NPFFR2: variants seen among roughly 807,000 people sequenced by gnomAD.
NPFFR2 encodes neuropeptide FF receptor 2.
Under a neutral mutation model 13.1 loss-of-function variants are expected in NPFFR2, and 15 were observed. The ratio of observed to expected loss-of-function variants is 1.15; its 90% confidence interval spans 0.77 to 1.76. NPFFR2 has a LOEUF of 1.76. NPFFR2 is among the 40% of genes most tolerant of loss of function. The pLI is 0.00. For synonymous variants in NPFFR2, 190 were observed against 175.7 expected (o/e 1.08, Z -0.65); for missense variants, 572 against 503.5 (o/e 1.14, Z -1.30).
intron 1 of NPFFR2, among the ~76,000 whole-genome samples, chr4:72,127,679 C>G (rs1722102976): frequency 6.6e-6 from 1 of 150,900 alleles, no homozygotes; most frequent in Admixed American, 6.6e-5. Context: ...TTTCTTGATA[C>G]ATTGTGTAAG....
chr4:72,110,392 C>T (rs1222796246), intron 1 of NPFFR2, among the ~76,000 whole-genome samples: 1 of 151,928 alleles, frequency 6.6e-6, no homozygotes, highest in Non-Finnish European at 1.5e-5. Context: ...TCTTTATTAG[C>T]AGTGTGAGAA....
rs553916059 is a variant in NPFFR2 at position 72,068,430 on chromosome 4, C to A, written c.-8+36230C>A. Among the ~76,000 whole-genome samples, 12 of 152,290 alleles carry A rather than the reference C, an allele frequency of 7.9e-5. 1 individual carries two copies. The East Asian group carries it at 2.3e-3, about 29-fold the overall frequency. On this transcript the variant is annotated intron_variant, in intron 1 of 3. Transcript: ENST00000308744. The stretch of plus-strand genomic sequence containing the variant: ...GTCCCATTTATTAGAAAAGAGCCCT[C>A]ATGCTCTAATCACTTCTTAAAGGCC...
At position 72,147,421 on chromosome 4, in the gene NPFFR2, G is replaced by A. The variant is rs1318980627; in HGVS notation, c.872G>A (p.Trp291Ter). The A allele has an allele frequency of 3.7e-6, 6 of 1,614,090 alleles. No homozygotes were observed. Among genetic ancestry groups the A allele is most frequent in the Admixed American group, 3.3e-5 (2 of 60,014 alleles). ...TTTATTCTCTCATGGCTGCCCCTGT[G>A]GACTCTAATGATGCTCTCAGACTAC... is the stretch of plus-strand genomic sequence containing the variant. ...LLFILSWLPL[W>*]TLMMLSDYAD... The change falls in exon 4 of 4, where the codon TGG becomes TAG. Residue 291 changes from tryptophan to a stop codon, truncating the protein, a stop_gained. Coordinates refer to ENST00000308744, the MANE Select transcript of NPFFR2 (RefSeq NM_004885.3). LOFTEE classifies it low-confidence loss of function (END_TRUNC).
chr4:72,116,657 G>A (rs550921621), intron 1 of NPFFR2, among the ~76,000 whole-genome samples: 7 of 152,190 alleles, frequency 4.6e-5, no homozygotes, highest in African/African-American at 1.4e-4. Context: ...AATTAAGAGG[G>A]AAACCTATAA....
chr4:72,140,038 T>C (rs917897481), intron 3 of NPFFR2, among the ~76,000 whole-genome samples: 1 of 152,218 alleles, frequency 6.6e-6, no homozygotes, highest in Non-Finnish European at 1.5e-5. Context: ...GGGAGTTCAC[T>C]CATGATTTGG....
At chr4:72,067,052 C>A (rs934297194) in intron 1 of NPFFR2, among the ~76,000 whole-genome samples, 2 of 151,280 alleles carry the variant, frequency 1.3e-5, no homozygotes, top group African/African-American at 4.9e-5. Context: ...GAGCAACAGT[C>A]CTCTCCCTGG....
chr4:72,056,575 A>T (rs188225690), intron 1 of NPFFR2, among the ~76,000 whole-genome samples: 90 of 152,162 alleles, frequency 5.9e-4, no homozygotes, highest in Admixed American at 2.2e-3. Flanking sequence ...TTTAAGAAAT[A>T]CATTTTTTAA....
chr4:72,096,532 C>T (rs1165803197), intron 1 of NPFFR2, among the ~76,000 whole-genome samples: 1 of 151,956 alleles, frequency 6.6e-6, no homozygotes, highest in East Asian at 1.9e-4. Context: ...TATATATATA[C>T]AATTTTGAGG....
chr4:72,094,393 G>T (rs13150552), intron 1 of NPFFR2, among the ~76,000 whole-genome samples: 50 of 152,264 alleles, frequency 3.3e-4, no homozygotes, highest in Middle Eastern at 3.4e-3. Flanking sequence ...AGGATCAGGC[G>T]GTGTGTGGGG....
chr4:72,113,382 A>G (rs948058675), intron 1 of NPFFR2, among the ~76,000 whole-genome samples: 1 of 152,042 alleles, frequency 6.6e-6, no homozygotes, highest in Non-Finnish European at 1.5e-5. Context: ...AAATTGTTCT[A>G]TCTTCCCCTC....
intron 1 of NPFFR2, among the ~76,000 whole-genome samples, chr4:72,092,849 T>G (rs1207745143): frequency 6.6e-6 from 1 of 152,184 alleles, no homozygotes; most frequent in Non-Finnish European, 1.5e-5. Flanking sequence ...ACATTAGTAT[T>G]GAAATGTGAG....
intron 2 of NPFFR2, among the ~76,000 whole-genome samples, chr4:72,134,760 C>T (rs776529018): frequency 6.6e-5 from 10 of 152,030 alleles, no homozygotes; most frequent in African/African-American, 9.7e-5. Flanking sequence ...TATAAATATA[C>T]GTGCAGGTAC....
chr4:72,042,045 A>C lies in NPFFR2; in HGVS notation c.-8+9845A>C, dbSNP rs538371581. Among the ~76,000 whole-genome samples, 3 of 152,104 alleles carry C rather than the reference A, an allele frequency of 2.0e-5. No homozygotes were observed. In the East Asian group the frequency reaches 5.8e-4, roughly 29 times the overall value. ...GTTGCAATTGCTTTTGAGGTTTATA[A>C]ATTCTTTGCCATGGCCAATAATATG... On this transcript the variant is annotated intron_variant, in intron 1 of 3. Transcript: ENST00000308744.
intron 1 of NPFFR2, among the ~76,000 whole-genome samples, chr4:72,033,533 C>T (rs2109749887): frequency 6.6e-6 from 1 of 152,048 alleles, no homozygotes; most frequent in East Asian, 1.9e-4. Flanking sequence ...TGTGTTTTTC[C>T]AAAATCCATA....
At chr4:72,053,045 A>G (rs1159204717) in intron 1 of NPFFR2, among the ~76,000 whole-genome samples, 6 of 151,756 alleles carry the variant, frequency 4.0e-5, no homozygotes, top group East Asian at 1.9e-4. Context: ...GTGCCTCCCT[A>G]AAATATATAA....
chr4:72,145,376 T>G lies in NPFFR2; in HGVS notation c.429-1602T>G, dbSNP rs1171350166. The stretch of plus-strand genomic sequence containing the variant: ...CTTTTATATTTGTTCATTATTACTT[T>G]TATTGTTAATAGTGTCTGCTATACT... On this transcript the variant is annotated intron_variant, in intron 3 of 3. Transcript: ENST00000308744. 2.6e-5 allele frequency among the ~76,000 whole-genome samples: 4 copies of G among 151,082 alleles called. No homozygotes were observed. In the East Asian group the frequency reaches 7.7e-4, roughly 29 times the overall value.
intron 1 of NPFFR2, among the ~76,000 whole-genome samples, chr4:72,051,953 T>G (rs1236390078): frequency 8.0e-6 from 1 of 125,148 alleles, no homozygotes; most frequent in East Asian, 2.1e-4. Context: ...AGGAAGAAGT[T>G]GAATCTCTGA....
chr4:72,035,150 A>G (rs1187085919), intron 1 of NPFFR2, among the ~76,000 whole-genome samples: 1 of 152,272 alleles, frequency 6.6e-6, no homozygotes, highest in Non-Finnish European at 1.5e-5. Context: ...TTGCCATTTG[A>G]GAGCTTCTGC....
At chr4:72,074,525 TGTGTAGGAAAAACC>T (rs1245752576) in intron 1 of NPFFR2, among the ~76,000 whole-genome samples, 1 of 152,130 alleles carries the variant, frequency 6.6e-6, no homozygotes, top group Non-Finnish European at 1.5e-5. Context: ...TAGGTGGTTA[TGTGTAGGAAAAACC>T]ATAATGTATA....
Sources: allele counts gnomAD v4.1 joint callset (sites outside exome capture counted in the v4.1 genomes callset), GRCh38; gene constraint gnomAD v4.1.1; transcripts MANE v1.5; gene names NCBI Gene and HGNC (gene_info 2026-07-23, HGNC 2026-07-21).